MAP7: variants seen among roughly 807,000 people sequenced by gnomAD.
MAP7 encodes ensconsin.
In MAP7, 52 loss-of-function variants were observed where a neutral mutation model predicts 94.8. That is an observed-to-expected ratio of 0.55 (90% CI 0.44 to 0.69). The LOEUF is 0.69. Ranked by LOEUF, MAP7 falls within the 30% of genes least tolerant of loss-of-function variation. MAP7 has a pLI of 0.00. For missense variants in MAP7, 940 were observed against 964.6 expected (o/e 0.97, Z 0.34); for synonymous variants, 350 against 357.0 (o/e 0.98, Z 0.22).
intron 16 of MAP7, among the ~76,000 whole-genome samples, chr6:136,350,435 G>C (rs576203419): frequency 6.6e-6 from 1 of 152,328 alleles, no homozygotes; most frequent in East Asian, 1.9e-4. Flanking sequence ...GATGTGATTT[G>C]TCATTTAAAG....
At chr6:136,366,082 G>A in intron 9 of MAP7, 64 bp from the exon 10 acceptor site, 1 of 1,502,576 alleles carries the variant, frequency 6.7e-7, no homozygotes, top group East Asian at 2.3e-5. Flanking sequence ...CCAGAACCTA[G>A]AACACGACTC....
At chr6:136,512,751 T>TGGA (rs911097823) in intron 1 of MAP7, among the ~76,000 whole-genome samples, 7 of 152,030 alleles carry the variant, frequency 4.6e-5, no homozygotes, top group African/African-American at 1.7e-4. Context: ...TTTTTGGTGG[T>TGGA]GGAGGGTCTT....
chr6:136,538,274 G>A (rs1232193828), intron 1 of MAP7, among the ~76,000 whole-genome samples: 3 of 152,106 alleles, frequency 2.0e-5, no homozygotes, highest in Non-Finnish European at 4.4e-5. Context: ...TCTATTTCAT[G>A]TATGTACTTT....
intron 1 of MAP7, among the ~76,000 whole-genome samples, chr6:136,537,300 C>A (rs962297129): frequency 6.6e-6 from 1 of 152,150 alleles, no homozygotes; most frequent in Non-Finnish European, 1.5e-5. Context: ...AAATGCCAAC[C>A]TAGGGCTCTT....
chr6:136,514,090 T>C (rs1323227724), intron 1 of MAP7, among the ~76,000 whole-genome samples: 2 of 152,150 alleles, frequency 1.3e-5, no homozygotes, highest in South Asian at 2.1e-4. Flanking sequence ...TCATAAATGT[T>C]CTTAATGGCA....
At chr6:136,429,898 G>A (rs990801137) in intron 1 of MAP7, among the ~76,000 whole-genome samples, 11 of 152,236 alleles carry the variant, frequency 7.2e-5, no homozygotes, top group African/African-American at 2.2e-4. Context: ...TTTCATCTCC[G>A]TTGGTGACTT....
intron 1 of MAP7, among the ~76,000 whole-genome samples, chr6:136,486,753 G>A (rs987864917): frequency 1.3e-5 from 2 of 152,106 alleles, no homozygotes; most frequent in Non-Finnish European, 2.9e-5. Flanking sequence ...ATTTTGGTGC[G>A]GATCTGATTG....
chr6:136,546,077 A>G (rs1829717047), intron 1 of MAP7, among the ~76,000 whole-genome samples: 1 of 152,110 alleles, frequency 6.6e-6, no homozygotes, highest in Non-Finnish European at 1.5e-5. Context: ...CAGTGGTGCA[A>G]TCTTGGCTCA....
chr6:136,440,812 A>T (rs1797621253), intron 1 of MAP7, among the ~76,000 whole-genome samples: 1 of 151,352 alleles, frequency 6.6e-6, no homozygotes, highest in African/African-American at 2.4e-5. Flanking sequence ...CTTAAAAATA[A>T]AATATTTAAG....
chr6:136,347,666 A>G (rs371740088), intron 16 of MAP7, among the ~76,000 whole-genome samples: 1 of 152,178 alleles, frequency 6.6e-6, no homozygotes, highest in South Asian at 2.1e-4. Context: ...TCGGCCTCCC[A>G]AAGTGCTGGG....
intron 1 of MAP7, among the ~76,000 whole-genome samples, chr6:136,510,512 G>A (rs1347400556): frequency 1.3e-5 from 2 of 152,116 alleles, no homozygotes; most frequent in African/African-American, 2.4e-5. Context: ...TCAGAAGCCT[G>A]GGGGTGGTGG....
At position 136,475,165 on chromosome 6, in the gene MAP7, G is replaced by A. The variant is rs767688026; in HGVS notation, c.68-53366C>T. On this transcript the variant is annotated intron_variant, in intron 1 of 17. Transcript: ENST00000354570. ...TAAAGCTTTAACTGCAGATTAGATT[G>A]TAAGGGGAATTAGTAGGTCAAAAGT... Among the ~76,000 whole-genome samples, 222 of 152,280 alleles carry A rather than the reference G, an allele frequency of 1.5e-3. 2 individuals are homozygous for A. Among genetic ancestry groups the A allele is most frequent in the Admixed American group, 2.0e-3 (30 of 15,290 alleles).
chr6:136,366,817 AT>A (rs1271797106), intron 8 of MAP7, among the ~76,000 whole-genome samples: 1 of 145,460 alleles, frequency 6.9e-6, no homozygotes, highest in Non-Finnish European at 1.5e-5. Flanking sequence ...AAAAATTTTA[AT>A]TAAAACACAT....
intron 1 of MAP7, among the ~76,000 whole-genome samples, chr6:136,480,906 A>G (rs1373304915): frequency 6.6e-6 from 1 of 152,182 alleles, no homozygotes; most frequent in Admixed American, 6.5e-5. Flanking sequence ...TGTAAGGAGC[A>G]CAAACAGCTC....
At chr6:136,436,277 T>C (rs1796354292) in intron 1 of MAP7, among the ~76,000 whole-genome samples, 2 of 152,224 alleles carry the variant, frequency 1.3e-5, no homozygotes, top group Admixed American at 6.5e-5. Flanking sequence ...TAGGCAAGAT[T>C]TTCTGGCAGG....
At chr6:136,527,031 C>A (rs1047003819) in intron 1 of MAP7, among the ~76,000 whole-genome samples, 1 of 152,144 alleles carries the variant, frequency 6.6e-6, no homozygotes, top group African/African-American at 2.4e-5. Context: ...AGAACCTATA[C>A]TGGGGAATTC....
At position 136,353,517 on chromosome 6, in the gene MAP7, T is replaced by C. The variant is rs116769946; in HGVS notation, c.2015+3175A>G. On this transcript the variant is annotated intron_variant, in intron 16 of 17. Coordinates refer to ENST00000354570, the MANE Select transcript of MAP7 (RefSeq NM_003980.6). ...TTACCCACTTAATTTCAGAAAAACATCATTCTTCACAATAATTTCACTGTT... is the reference window on the plus strand; with the variant it reads ...TTACCCACTTAATTTCAGAAAAACACCATTCTTCACAATAATTTCACTGTT... Among the ~76,000 whole-genome samples, 671 of 152,278 alleles carry C rather than the reference T, an allele frequency of 4.4e-3. 6 individuals carry two copies. Among genetic ancestry groups the C allele is most frequent in the African/African-American group, 0.015 (640 of 41,560 alleles).
At chr6:136,497,797 CA>C (rs1199112585) in intron 1 of MAP7, among the ~76,000 whole-genome samples, 6,496 of 46,554 alleles carry the variant, frequency 0.14, 147 homozygotes, top group African/African-American at 0.3. Flanking sequence ...GACTCTGTCA[CA>C]AAAAAAAAAA....
At chr6:136,535,020 G>C (rs958261763) in intron 1 of MAP7, among the ~76,000 whole-genome samples, 3 of 151,970 alleles carry the variant, frequency 2.0e-5, no homozygotes, top group Non-Finnish European at 4.4e-5. Flanking sequence ...TTTATTTTTT[G>C]GTTTATTTAT....
Sources: gnomAD v4.1 joint callset for allele counts (sites outside exome capture counted in the v4.1 genomes callset) on GRCh38, gnomAD v4.1.1 for gene constraint, MANE v1.5 for transcripts, NCBI Gene and HGNC (gene_info 2026-07-23, HGNC 2026-07-21) for gene names.